The following ROBO1 variants were observed in gnomAD, a reference collection of about 807,000 sequenced individuals.
The protein encoded by ROBO1 is roundabout guidance receptor 1.
A neutral mutation model predicts 195.9 loss-of-function variants in ROBO1; 149 were observed. The ratio of observed to expected loss-of-function variants is 0.76; its 90% CI spans 0.67 to 0.87. The LOEUF (loss-of-function observed/expected upper bound fraction) is 0.87, where lower values mean the gene tolerates loss of function less well. Ranked by LOEUF, ROBO1 falls within the 40% of genes least tolerant of loss-of-function variation. ROBO1 has a pLI of 0.00. For missense variants in ROBO1, 1,933 were observed against 2,068.3 expected (o/e 0.93, Z 1.27); for synonymous variants, 816 against 733.2 (o/e 1.11, Z -1.82).
At chr3:79,269,340 T>C (rs937028415) in intron 2 of ROBO1, among the ~76,000 whole-genome samples, 1 of 151,766 alleles carries the variant, frequency 6.6e-6, no homozygotes, top group Non-Finnish European at 1.5e-5. Flanking sequence ...AAGTGTCAAA[T>C]CTCAATGAAC....
intron 1 of ROBO1, among the ~76,000 whole-genome samples, chr3:79,622,041 C>A (rs1437868334): frequency 6.6e-6 from 1 of 152,172 alleles, no homozygotes; most frequent in Non-Finnish European, 1.5e-5. Flanking sequence ...GACTAGGAGC[C>A]TGGCATGACC....
intron 2 of ROBO1, among the ~76,000 whole-genome samples, chr3:79,421,510 C>T (rs954901680): frequency 1.3e-5 from 2 of 152,062 alleles, no homozygotes; most frequent in East Asian, 3.9e-4. Context: ...AACCCAGGCA[C>T]AGGAGCTGAC....
intron 1 of ROBO1, among the ~76,000 whole-genome samples, chr3:79,746,835 A>T (rs1193034835): frequency 6.6e-6 from 1 of 152,090 alleles, no homozygotes; most frequent in East Asian, 1.9e-4. Flanking sequence ...GATAGCTTAC[A>T]TTTGCATAAG....
chr3:79,384,544 G>A (rs977014442), intron 2 of ROBO1, among the ~76,000 whole-genome samples: 3 of 151,850 alleles, frequency 2.0e-5, no homozygotes, highest in East Asian at 1.9e-4. Flanking sequence ...CTCCTATAAG[G>A]CGATGAACAG....
At chr3:78,637,450 T>C (rs1428883524) in intron 22 of ROBO1, among the ~76,000 whole-genome samples, 1 of 152,214 alleles carries the variant, frequency 6.6e-6, no homozygotes, top group Non-Finnish European at 1.5e-5. Context: ...TTTGGAGATA[T>C]TGGACATGGT....
At chr3:79,047,383 TGCC>T (rs2078614271) in intron 3 of ROBO1, among the ~76,000 whole-genome samples, 1 of 151,918 alleles carries the variant, frequency 6.6e-6, no homozygotes. Context: ...AAAAAAAAAG[TGCC>T]AAGACTTTTG....
chr3:78,872,303 C>T (rs2035599037), intron 4 of ROBO1, among the ~76,000 whole-genome samples: 1 of 152,190 alleles, frequency 6.6e-6, no homozygotes, highest in African/African-American at 2.4e-5. Context: ...CACAGACAAC[C>T]TTCCCAGAAC....
chr3:79,579,447 T>G (rs1324814664), intron 2 of ROBO1, among the ~76,000 whole-genome samples: 1 of 152,140 alleles, frequency 6.6e-6, no homozygotes, highest in Admixed American at 6.5e-5. Context: ...CCTGAGAAAT[T>G]TCAAAAGAGT....
At chr3:78,770,756 T>C (rs1210405492) in intron 4 of ROBO1, among the ~76,000 whole-genome samples, 1 of 152,186 alleles carries the variant, frequency 6.6e-6, no homozygotes, top group Non-Finnish European at 1.5e-5. Flanking sequence ...TCTTATACTT[T>C]GAGATTTTAC....
chr3:79,085,031 T>A (rs921948888), intron 3 of ROBO1, among the ~76,000 whole-genome samples: 2 of 152,156 alleles, frequency 1.3e-5, no homozygotes, highest in African/African-American at 4.8e-5. Context: ...CATTTTTATA[T>A]CTCTACTTAG....
chr3:79,643,232 G>T (rs1945719330), intron 1 of ROBO1, among the ~76,000 whole-genome samples: 1 of 152,144 alleles, frequency 6.6e-6, no homozygotes. Context: ...GACACCAGTG[G>T]TTTGCCAGGG....
chr3:78,975,515 A>C (rs2107946853), intron 3 of ROBO1, among the ~76,000 whole-genome samples: 1 of 152,232 alleles, frequency 6.6e-6, no homozygotes, highest in Middle Eastern at 3.4e-3. Flanking sequence ...TAGTTGTGTA[A>C]ACCTGGGTGA....
At chr3:78,804,056 A>G (rs1332997130) in intron 4 of ROBO1, among the ~76,000 whole-genome samples, 2 of 152,172 alleles carry the variant, frequency 1.3e-5, no homozygotes, top group African/African-American at 4.8e-5. Context: ...ATTTTCCTGC[A>G]AAGTTTGTAT....
intron 1 of ROBO1, among the ~76,000 whole-genome samples, chr3:79,596,760 A>C (rs965281573): frequency 1.3e-5 from 2 of 152,056 alleles, no homozygotes; most frequent in African/African-American, 4.8e-5. Flanking sequence ...AAAATGTCAG[A>C]GAATTAGAAG....
At chr3:78,949,431 A>G (rs956054990) in intron 3 of ROBO1, among the ~76,000 whole-genome samples, 8 of 150,450 alleles carry the variant, frequency 5.3e-5, no homozygotes, top group Admixed American at 2.7e-4. Flanking sequence ...TATTTAATAA[A>G]TGGTGCTGGG....
chr3:79,469,154 C>T (rs11927377), intron 2 of ROBO1, among the ~76,000 whole-genome samples: 7,696 of 151,896 alleles, frequency 0.051, 521 homozygotes, highest in African/African-American at 0.15. Flanking sequence ...GGGCATACAT[C>T]TAGTTGAGGG....
At chr3:79,153,473 A>G (rs1464435724) in intron 2 of ROBO1, among the ~76,000 whole-genome samples, 1 of 151,732 alleles carries the variant, frequency 6.6e-6, no homozygotes, top group African/African-American at 2.4e-5. Flanking sequence ...AAGGATCCAC[A>G]GATAATAATC....
In ROBO1 at chr3:79,564,035, T is replaced by TAA. The variant is rs35020571; in HGVS notation, c.88+25787_88+25788dup. ...CTTTTTTATGTGTAAATGGTAAAAT[T>TAA]AAAAAAAAAACATAATGAAAGGTGG... On this transcript the variant is annotated intron_variant, in intron 2 of 30. Coordinates refer to ENST00000464233, the MANE Select transcript of ROBO1 (RefSeq NM_002941.4). Among the ~76,000 whole-genome samples, 1,026 of 148,100 alleles carry TAA rather than the reference T, an allele frequency of 6.9e-3. 3 individuals carry two copies. The highest frequency in any genetic ancestry group is 0.017 in the African/African-American group (674 of 40,616).
chr3:79,676,811 A>T (rs989524843), intron 1 of ROBO1, among the ~76,000 whole-genome samples: 5 of 151,994 alleles, frequency 3.3e-5, no homozygotes, highest in African/African-American at 1.2e-4. Context: ...ACACCCATAA[A>T]CACCAAGGGA....
Sources: allele counts gnomAD v4.1 joint callset (sites outside exome capture counted in the v4.1 genomes callset), GRCh38; gene constraint gnomAD v4.1.1; transcripts MANE v1.5; gene names NCBI Gene and HGNC (gene_info 2026-07-23, HGNC 2026-07-21).